SLA2: variants seen among roughly 807,000 people sequenced by gnomAD.
The protein encoded by SLA2 is src-like-adapter 2.
In SLA2, 22 loss-of-function variants were observed where a neutral mutation model predicts 27.3. The ratio of observed to expected loss-of-function variants is 0.81; its 90% confidence interval spans 0.58 to 1.15. The LOEUF (loss-of-function observed/expected upper bound fraction) is 1.15, where lower values mean the gene tolerates loss of function less well. SLA2 is among the 50% of genes most tolerant of loss of function. SLA2 has a pLI of 0.00. For synonymous variants in SLA2, 131 were observed against 137.8 expected (o/e 0.95, Z 0.34); for missense variants, 304 against 322.2 (o/e 0.94, Z 0.43).
intron 5 of SLA2, among the ~76,000 whole-genome samples, chr20:36,624,184 G>A (rs6028412): frequency 0.026 from 3,999 of 152,088 alleles, 185 homozygotes; most frequent in African/African-American, 0.091. Flanking sequence ...GGCTTCCTGC[G>A]CGGCATCCTC....
intron 2 of SLA2, among the ~76,000 whole-genome samples, chr20:36,637,604 C>T (rs2039464458): frequency 6.9e-6 from 1 of 145,070 alleles, no homozygotes; most frequent in Non-Finnish European, 1.5e-5. Flanking sequence ...TCAACATAGG[C>T]TCATATTCTG....
At position 36,612,372 on chromosome 20, in the gene SLA2, A is replaced by G. The variant is rs1423626690; in HGVS notation, c.*1494T>C. ...ATGCACCTCTGGATTCAGATGAAAC[A>G]TTAAATTGTCTTCCTCGATTCTCCA... is the stretch of plus-strand genomic sequence containing the variant. On this transcript the variant is annotated 3_prime_UTR_variant, in exon 8 of 8. Transcript: ENST00000262866. 2.7e-6 allele frequency: 2 copies of G among 728,026 alleles called. No individual in the cohort carries two copies. The highest frequency in any genetic ancestry group is 4.7e-6 in the Non-Finnish European group (2 of 427,344). The allele number at this position is 728,026 out of a possible 1,614,324, so 45.1% of individuals were successfully genotyped here.
At chr20:36,641,162 C>G in intron 2 of SLA2, 83 bp downstream of exon 2, 1 of 1,171,676 alleles carries the variant, frequency 8.5e-7, no homozygotes, top group Non-Finnish European at 1.3e-6. Flanking sequence ...TGTGTTGGAG[C>G]TGCTGGCCAG....
In SLA2 at chr20:36,615,259, G is replaced by T. The variant is rs765890083; in HGVS notation, c.498C>A (p.Phe166Leu). 9 of 1,614,180 alleles carry T rather than the reference G, an allele frequency of 5.6e-6. No homozygotes were observed. The South Asian group carries it at 8.8e-5, about 16-fold the overall frequency. Residue 166 changes from phenylalanine (F) to leucine (L), a missense_variant, in exon 6 of 8, where the codon TTC (phenylalanine) becomes TTA (leucine). Physicochemically the swap from Phe to Leu is conservative, Grantham distance 22 (BLOSUM62 0). Coordinates refer to ENST00000262866, the MANE Select transcript of SLA2 (RefSeq NM_032214.4). ...GWLYISPRLT[F>L]PSLQALVDHY... ...GGTCCACCAGGGCCTGGAGTGAGGG[G>T]AAGGTGAGGCGCGGTGAGATGTACA...
At chr20:36,636,427 C>CA (rs71186007) in intron 2 of SLA2, among the ~76,000 whole-genome samples, 13,514 of 61,272 alleles carry the variant, frequency 0.22, 1,727 homozygotes, top group Middle Eastern at 0.32. Flanking sequence ...GACTCCGTCT[C>CA]AAAAAAAAAA....
chr20:36,636,477 C>CGCA (rs987388719), intron 2 of SLA2, among the ~76,000 whole-genome samples: 4 of 148,008 alleles, frequency 2.7e-5, no homozygotes, highest in African/African-American at 9.9e-5. Context: ...TGGTGGTGCA[C>CGCA]GCCTGTAGTC....
chr20:36,613,779 C>G lies in SLA2; in HGVS notation c.*87G>C. The G allele has an allele frequency of 7.3e-6, 3 of 409,962 alleles. No homozygotes were observed. Among genetic ancestry groups the G allele is most frequent in the Admixed American group, 5.8e-5 (2 of 34,740 alleles). 25.4% of individuals were successfully genotyped at this position (409,962 alleles called of 1,614,324 possible). On this transcript the variant is annotated 3_prime_UTR_variant, in exon 8 of 8. Coordinates refer to ENST00000262866, the MANE Select transcript of SLA2 (RefSeq NM_032214.4). ...GTGTCCCACCCTCCCTCCCTGAGTG[C>G]ACAGCCTTGCCTCTGGGGTGCCCAG...
intron 4 of SLA2, 111 bp downstream of exon 4, chr20:36,633,432 G>T: frequency 2.2e-6 from 2 of 907,132 alleles, no homozygotes; most frequent in South Asian, 1.5e-5. Flanking sequence ...ACCTGGGTTC[G>T]ATTCTCCCCC....
At chr20:36,618,374 C>T (rs1256916916) in intron 5 of SLA2, among the ~76,000 whole-genome samples, 8 of 151,518 alleles carry the variant, frequency 5.3e-5, no homozygotes, top group Non-Finnish European at 1.0e-4. Context: ...GTAGCTGGGA[C>T]TACAGGCACG....
chr20:36,613,763 C>T lies in SLA2; in HGVS notation c.*103G>A. On this transcript the variant is annotated 3_prime_UTR_variant, in exon 8 of 8. Transcript: ENST00000262866. The stretch of plus-strand genomic sequence containing the variant: ...CCCTAGATGCACCTCTGTGTCCCAC[C>T]CTCCCTCCCTGAGTGCACAGCCTTG... 1 of 527,688 alleles carries T rather than the reference C, an allele frequency of 1.9e-6. No individual in the cohort carries two copies. The highest frequency in any genetic ancestry group is 1.8e-5 in the South Asian group (1 of 55,952). 32.7% of individuals were successfully genotyped at this position (527,688 alleles called of 1,614,324 possible). A position where few individuals can be genotyped will look rare whatever the true frequency, so the allele number is the denominator to read the frequency against.
Position 36,613,780 on chromosome 20 carries a change from AC to A in SLA2, c.*85del. The A allele has an allele frequency of 2.4e-6, 1 of 415,086 alleles. No individual in the cohort carries two copies. The highest frequency in any genetic ancestry group is 4.6e-6 in the Non-Finnish European group (1 of 217,014). 25.7% of individuals were successfully genotyped at this position (415,086 alleles called of 1,614,324 possible). On this transcript the variant is annotated 3_prime_UTR_variant, in exon 8 of 8. Transcript: ENST00000262866. ...TGTCCCACCCTCCCTCCCTGAGTGCACAGCCTTGCCTCTGGGGTGCCCAGGA... is the reference window on the plus strand; with the variant it reads ...TGTCCCACCCTCCCTCCCTGAGTGCAAGCCTTGCCTCTGGGGTGCCCAGGA...
At chr20:36,614,608 T>A in intron 6 of SLA2, 171 bp from the exon 7 acceptor site, 3 of 985,408 alleles carry the variant, frequency 3.0e-6, no homozygotes, top group Non-Finnish European at 3.6e-6. Flanking sequence ...GTCAAAGGTC[T>A]TTCTGGGCTA....
At chr20:36,645,056 T>C (rs546193657) in intron 1 of SLA2, among the ~76,000 whole-genome samples, 150 of 151,946 alleles carry the variant, frequency 9.9e-4, no homozygotes, top group Non-Finnish European at 1.9e-3. Context: ...AGTGATGAAT[T>C]TGGCCAGGCA....
intron 5 of SLA2, chr20:36,621,142 C>T (rs538699171): frequency 1.3e-4 from 53 of 419,960 alleles, no homozygotes; most frequent in East Asian, 1.7e-4. Flanking sequence ...TAGCAGTAGA[C>T]GGGGCTGCTG....
At chr20:36,629,096 C>T (rs2088941248) in intron 5 of SLA2, among the ~76,000 whole-genome samples, 2 of 148,190 alleles carry the variant, frequency 1.3e-5, no homozygotes, top group South Asian at 2.1e-4. Context: ...CATAGTCTCG[C>T]TTTGTCACCC....
chr20:36,620,336 G>T (rs55785625), intron 5 of SLA2: 1 of 144,504 alleles, frequency 6.9e-6, no homozygotes, highest in Non-Finnish European at 1.5e-5. Context: ...AGCCGAGATT[G>T]CGCCACTGTA....
At position 36,614,411 on chromosome 20, in the gene SLA2, G is replaced by A. The variant is rs1328500346; in HGVS notation, c.559C>T (p.Leu187Phe). 2 of 1,612,310 alleles carry A rather than the reference G, an allele frequency of 1.2e-6. No individual in the cohort carries two copies. Among genetic ancestry groups the A allele is most frequent in the African/African-American group, 1.3e-5 (1 of 74,858 alleles). ...CTCTGCAGGACACAGGGCTCCTTGA[G>A]TAGGCAGCAGATGTCATCCGCCAGC... ...SELADDICCLLKEPCVLQRAG... is the reference protein window; with the variant it reads ...SELADDICCLFKEPCVLQRAG... Residue 187 changes from leucine (L) to phenylalanine (F), a missense_variant, in exon 7 of 8, where the codon CTC becomes TTC. Coordinates refer to ENST00000262866, the MANE Select transcript of SLA2 (RefSeq NM_032214.4).
intron 3 of SLA2, among the ~76,000 whole-genome samples, chr20:36,634,097 C>T (rs1376543708): frequency 6.6e-6 from 1 of 151,984 alleles, no homozygotes; most frequent in Non-Finnish European, 1.5e-5. Flanking sequence ...AAGTGATTCT[C>T]CTGCCTCAGC....
intron 5 of SLA2, among the ~76,000 whole-genome samples, chr20:36,627,803 G>T (rs559684378): frequency 6.6e-6 from 1 of 152,248 alleles, no homozygotes; most frequent in South Asian, 2.1e-4. Context: ...GAAGGACTTG[G>T]GAAGATGGGG....
Sources: gnomAD v4.1 joint callset for allele counts (sites outside exome capture counted in the v4.1 genomes callset) on GRCh38, gnomAD v4.1.1 for gene constraint, MANE v1.5 for transcripts, NCBI Gene and HGNC (gene_info 2026-07-23, HGNC 2026-07-21) for gene names.